The following USO1 variants were observed in gnomAD, a reference collection of about 807,000 sequenced individuals.
The protein encoded by USO1 is USO1 vesicle transport factor, also known as general vesicular transport factor p115.
Under a neutral mutation model 124.5 loss-of-function variants are expected in USO1, and 57 were observed. The observed-to-expected ratio is 0.46, with a 90% CI of 0.37 to 0.57. The LOEUF is 0.57. USO1 is among the 20% of genes least tolerant of loss of function. The pLI, the probability that USO1 is intolerant of heterozygous loss-of-function variation, is 0.00. For missense variants in USO1, 900 were observed against 1,040.6 expected (o/e 0.86, Z 1.86); for synonymous variants, 369 against 362.8 (o/e 1.02, Z -0.19).
intron 1 of USO1, among the ~76,000 whole-genome samples, chr4:75,727,287 A>G (rs1393202411): frequency 6.6e-6 from 1 of 152,254 alleles, no homozygotes; most frequent in Non-Finnish European, 1.5e-5. Context: ...ATGGAACAAC[A>G]TAGTTTTTAT....
Position 75,805,122 on chromosome 4 carries a change from G to A in USO1, c.2126-18G>A. On this transcript the variant is annotated intron_variant, in intron 18 of 23. Coordinates refer to ENST00000514213, the MANE Select transcript of USO1 (RefSeq NM_003715.4). ...GAAGTTTCCCGTTGGCTTTTAAAAT[G>A]TTATGTCTGTCTAACAGGAAAAGAC... The A allele has an allele frequency of 6.5e-7, 1 of 1,544,656 alleles. No homozygotes were observed. Among genetic ancestry groups the A allele is most frequent in the African/African-American group, 1.4e-5 (1 of 71,376 alleles).
intron 3 of USO1, among the ~76,000 whole-genome samples, chr4:75,755,638 A>G (rs1454214346): frequency 6.6e-6 from 1 of 152,182 alleles, no homozygotes; most frequent in African/African-American, 2.4e-5. Context: ...CTACCTTTTC[A>G]AAGCCACTAA....
intron 13 of USO1, among the ~76,000 whole-genome samples, chr4:75,798,618 A>G (rs1722756335): frequency 6.6e-6 from 1 of 152,214 alleles, no homozygotes; most frequent in Non-Finnish European, 1.5e-5. Flanking sequence ...ATACCTAAAA[A>G]TAGATTATAG....
At chr4:75,796,753 T>C (rs1194548215) in intron 13 of USO1, among the ~76,000 whole-genome samples, 1 of 152,024 alleles carries the variant, frequency 6.6e-6, no homozygotes, top group Non-Finnish European at 1.5e-5. Flanking sequence ...TTTTCTCAAA[T>C]CTCCTCAATG....
intron 3 of USO1, among the ~76,000 whole-genome samples, chr4:75,753,331 C>T (rs1025194445): frequency 1.3e-5 from 2 of 151,664 alleles, no homozygotes; most frequent in African/African-American, 2.4e-5. Context: ...GTCAGGAGTT[C>T]GAGACCAGCC....
At chr4:75,747,602 C>CTTTTTTTTTTTTT (rs59636038) in intron 1 of USO1, among the ~76,000 whole-genome samples, 1 of 83,684 alleles carries the variant, frequency 1.2e-5, no homozygotes, top group African/African-American at 5.5e-5. Context: ...TCACCTTTGA[C>CTTTTTTTTTTTTT]TTTTTTTTTT....
chr4:75,778,155 C>A (rs920447058), intron 8 of USO1, among the ~76,000 whole-genome samples: 1 of 152,136 alleles, frequency 6.6e-6, no homozygotes, highest in East Asian at 1.9e-4. Flanking sequence ...ACACCAATGC[C>A]CCAGTTGAAA....
At position 75,799,026 on chromosome 4, in the gene USO1, T is replaced by G. The variant is rs144225551; in HGVS notation, c.1453-596T>G. Among the ~76,000 whole-genome samples the G allele has an allele frequency of 1.4e-4, 22 of 152,294 alleles. No individual in the cohort carries two copies. The East Asian group carries it at 4.1e-3, about 28-fold the overall frequency. Reference sequence around the variant, plus strand: ...TAATGGTTTGGGGGCACTTGGCTAATTTAAATCTTCCTCTTGATTATGTTT... The same window carrying G: ...TAATGGTTTGGGGGCACTTGGCTAAGTTAAATCTTCCTCTTGATTATGTTT... On this transcript the variant is annotated intron_variant, in intron 13 of 23. Coordinates refer to ENST00000514213, the MANE Select transcript of USO1 (RefSeq NM_003715.4).
intron 20 of USO1, among the ~76,000 whole-genome samples, chr4:75,808,141 G>A (rs1314589668): frequency 6.6e-6 from 1 of 152,170 alleles, no homozygotes; most frequent in Non-Finnish European, 1.5e-5. Flanking sequence ...AATCACTCCT[G>A]CTGAGAGCCA....
In USO1 at chr4:75,736,659, G is replaced by A. The variant is rs76276048; in HGVS notation, c.66+11774G>A. 9.1e-3 allele frequency among the ~76,000 whole-genome samples: 1,377 copies of A among 152,124 alleles called. 33 individuals are homozygous for A. Among genetic ancestry groups the A allele is most frequent in the African/African-American group, 0.032 (1,322 of 41,498 alleles). On this transcript the variant is annotated intron_variant, in intron 1 of 23. Coordinates refer to ENST00000514213, the MANE Select transcript of USO1 (RefSeq NM_003715.4). ...TCTTTCCATGTTAAAACATACAGAG[G>A]TACTTTAAAATACCAGATTTTCAGT...
At chr4:75,760,983 C>G (rs777896301) in intron 4 of USO1, among the ~76,000 whole-genome samples, 1 of 152,026 alleles carries the variant, frequency 6.6e-6, no homozygotes, top group Non-Finnish European at 1.5e-5. Context: ...CCTGTCTCTA[C>G]TAAAAATATA....
chr4:75,787,109 T>C lies in USO1; in HGVS notation c.903T>C (p.Ser301=). The C allele has an allele frequency of 6.2e-7, 1 of 1,607,782 alleles. No individual in the cohort carries two copies. The part of the protein sequence containing the change: ...VSPTNPPGAT[S]SCQKAMFQCG... ...CCACCAACCCTCCTGGTGCTACCAGTAGCTGCCAGAAGGCTATGTTCCAGT... is the reference window on the plus strand; with the variant it reads ...CCACCAACCCTCCTGGTGCTACCAGCAGCTGCCAGAAGGCTATGTTCCAGT... The change falls in exon 10 of 24, where the codon AGT becomes AGC. Residue 301 remains serine (S), a synonymous_variant. Transcript: ENST00000514213.
intron 1 of USO1, among the ~76,000 whole-genome samples, chr4:75,751,281 G>A (rs978022551): frequency 1.3e-5 from 2 of 150,272 alleles, no homozygotes; most frequent in African/African-American, 2.4e-5. Flanking sequence ...GTGCAATCTC[G>A]GCTCACTGCA....
chr4:75,750,499 T>C (rs1721271576), intron 1 of USO1, among the ~76,000 whole-genome samples: 1 of 152,106 alleles, frequency 6.6e-6, no homozygotes. Flanking sequence ...ATTTATTTAT[T>C]TTTGAGACAG....
At chr4:75,766,991 T>C (rs1378611837) in intron 4 of USO1, among the ~76,000 whole-genome samples, 1 of 152,220 alleles carries the variant, frequency 6.6e-6, no homozygotes, top group Non-Finnish European at 1.5e-5. Context: ...GAGGGGATTC[T>C]ACCTATCATT....
intron 1 of USO1, chr4:75,745,436 G>T: frequency 4.1e-6 from 2 of 491,752 alleles, no homozygotes; most frequent in Non-Finnish European, 4.0e-6. Context: ...AGTCCCTGTA[G>T]TTCGCAACAG....
At chr4:75,736,402 C>T (rs1413217618) in intron 1 of USO1, among the ~76,000 whole-genome samples, 1 of 149,432 alleles carries the variant, frequency 6.7e-6, no homozygotes, top group African/African-American at 2.5e-5. Flanking sequence ...CAGCTCACCT[C>T]CGCCTCCTGG....
rs140165308 is a variant in USO1 at position 75,745,810 on chromosome 4, G to A, written c.67-6563G>A. On this transcript the variant is annotated intron_variant, in intron 1 of 23. Transcript: ENST00000514213. The stretch of plus-strand genomic sequence containing the variant: ...AACTACTCAGGAGGCTGAGGTGAGA[G>A]AATCGCTTGAATCCAGGAGGCAGAG... Among the ~76,000 whole-genome samples the A allele has an allele frequency of 5.9e-3, 903 of 152,088 alleles. 14 individuals carry two copies. Among genetic ancestry groups the A allele is most frequent in the African/African-American group, 0.021 (856 of 41,468 alleles).
chr4:75,744,657 T>G (rs1425505026), intron 1 of USO1, among the ~76,000 whole-genome samples: 1 of 152,160 alleles, frequency 6.6e-6, no homozygotes, highest in Non-Finnish European at 1.5e-5. Flanking sequence ...TGACCTCAGG[T>G]GATCTGCCTG....
Sources: gnomAD v4.1 joint callset for allele counts (sites outside exome capture counted in the v4.1 genomes callset) on GRCh38, gnomAD v4.1.1 for gene constraint, MANE v1.5 for transcripts, NCBI Gene and HGNC (gene_info 2026-07-23, HGNC 2026-07-21) for gene names.